The following HNRNPR variants were observed in gnomAD, a reference collection of about 807,000 sequenced individuals.
HNRNPR encodes the protein heterogeneous nuclear ribonucleoprotein R.
HNRNPR carries 4 observed loss-of-function variants against 70.3 expected under a neutral mutation model. The observed-to-expected ratio is 0.06, with a 90% CI of 0.03 to 0.13. HNRNPR has a LOEUF of 0.13. HNRNPR is among the 10% of genes least tolerant of loss of function. HNRNPR has a pLI of 1.00. For synonymous variants in HNRNPR, 241 were observed against 267.6 expected, an observed-to-expected ratio of 0.90 and a Z score of 0.97; for missense variants, 423 against 788.5, an observed-to-expected ratio of 0.54 and a Z score of 5.55.
At chr1:23,322,151 C>T (rs1645784937) in intron 6 of HNRNPR, among the ~76,000 whole-genome samples, 1 of 151,848 alleles carries the variant, frequency 6.6e-6, no homozygotes, top group African/African-American at 2.4e-5. Context: ...AATTGTCTAC[C>T]AAACACAATA....
chr1:23,328,329 G>A (rs1392730978), intron 5 of HNRNPR, among the ~76,000 whole-genome samples: 2 of 152,214 alleles, frequency 1.3e-5, no homozygotes, highest in East Asian at 1.9e-4. Context: ...TGGAGAAATA[G>A]GCTGACTGGT....
chr1:23,314,343 T>A (rs1383289419), intron 8 of HNRNPR, among the ~76,000 whole-genome samples: 2 of 152,142 alleles, frequency 1.3e-5, no homozygotes, highest in Non-Finnish European at 2.9e-5. Context: ...ACTTAAAATC[T>A]AGGAGCCATA....
In HNRNPR at chr1:23,325,225, T is replaced by C. The variant is rs569445256; in HGVS notation, c.499-1493A>G. Among the ~76,000 whole-genome samples the C allele has an allele frequency of 3.0e-3, 456 of 152,336 alleles. 2 individuals carry two copies. Among genetic ancestry groups the C allele is most frequent in the Non-Finnish European group, 4.7e-3 (319 of 68,030 alleles). ...AAATTAGTATTTGCATGACAAATTT[T>C]CTAGTGAAACTCATCTACATCACCA... On this transcript the variant is annotated intron_variant, in intron 5 of 10. Transcript: ENST00000302271.
At chr1:23,329,444 C>G (rs1262882380) in intron 5 of HNRNPR, among the ~76,000 whole-genome samples, 1 of 152,206 alleles carries the variant, frequency 6.6e-6, no homozygotes, top group African/African-American at 2.4e-5. Flanking sequence ...TGAGCCCTTT[C>G]AGAGCAAGCA....
chr1:23,323,323 A>C (rs138419742), intron 6 of HNRNPR, among the ~76,000 whole-genome samples: 285 of 152,338 alleles, frequency 1.9e-3, no homozygotes, highest in African/African-American at 6.6e-3. Context: ...CTAATAGATA[A>C]CTTCTTAAAT....
intron 6 of HNRNPR, 45 bp from the exon 7 acceptor site, chr1:23,321,708 C>T: frequency 6.4e-7 from 1 of 1,560,740 alleles, no homozygotes; most frequent in East Asian, 2.3e-5. Flanking sequence ...ACCCCAAACT[C>T]AGGACAATTG....
At chr1:23,312,811 C>T (rs1456124790) in intron 9 of HNRNPR, among the ~76,000 whole-genome samples, 1 of 152,160 alleles carries the variant, frequency 6.6e-6, no homozygotes, top group Non-Finnish European at 1.5e-5. Context: ...CATTCTGGAT[C>T]TATCTTCCTA....
chr1:23,336,994 T>A (rs1326387105), intron 4 of HNRNPR, among the ~76,000 whole-genome samples: 1 of 152,234 alleles, frequency 6.6e-6, no homozygotes, highest in Non-Finnish European at 1.5e-5. Flanking sequence ...ATTCATTTAC[T>A]CCTTACAATA....
At chr1:23,316,982 C>T (rs149635770) in intron 8 of HNRNPR, among the ~76,000 whole-genome samples, 1 of 152,210 alleles carries the variant, frequency 6.6e-6, no homozygotes, top group Non-Finnish European at 1.5e-5. Flanking sequence ...CAAGTATAAA[C>T]CAGAGTTCTC....
rs1162575887 is a variant in HNRNPR at position 23,318,074 on chromosome 1, T to C, written c.1017+409A>G. On this transcript the variant is annotated intron_variant, in intron 8 of 10. Coordinates refer to ENST00000302271, the MANE Select transcript of HNRNPR (RefSeq NM_005826.5). The surrounding 1 kb of genome is among the most constrained non-coding windows in gnomAD (Gnocchi z 4.2). The stretch of plus-strand genomic sequence containing the variant: ...ATTAGCTATAAATCTAAATAAAACA[T>C]AATTCATGGCCAAGTAATAAAGTCA... Among the ~76,000 whole-genome samples the C allele has an allele frequency of 6.6e-6, 1 of 150,714 alleles. No homozygotes were observed. Among genetic ancestry groups the C allele is most frequent in the Non-Finnish European group, 1.5e-5 (1 of 67,684 alleles).
chr1:23,344,048 CAGCCGCGCGGGCGGACTAGACCGA>C (rs1646816659), intron 1 of HNRNPR, among the ~76,000 whole-genome samples, 139 bp downstream of exon 1: 1 of 152,098 alleles, frequency 6.6e-6, no homozygotes, highest in African/African-American at 2.4e-5. Context: ...GCTAGGCCCA[CAGCCGCGCGGGCGGACTAGACCGA>C]AGCCGCCCCC....
In HNRNPR at chr1:23,309,686, T is replaced by G. The variant is rs1377780912; in HGVS notation, c.*768A>C. 6.6e-6 allele frequency: 1 copy of G among 152,640 alleles called. No individual in the cohort carries two copies. The highest frequency in any genetic ancestry group is 2.4e-5 in the African/African-American group (1 of 41,460). The allele number at this position is 152,640 out of a possible 1,614,324, so 9.5% of individuals were successfully genotyped here. On this transcript the variant is annotated 3_prime_UTR_variant, in exon 11 of 11. Coordinates refer to ENST00000302271, the MANE Select transcript of HNRNPR (RefSeq NM_005826.5). The stretch of plus-strand genomic sequence containing the variant: ...ATAAACAAGAAATTTTGCATGAATT[T>G]GATCACTCACATAGGCAGTTATACT...
chr1:23,343,296 C>T (rs774990979), intron 1 of HNRNPR, among the ~76,000 whole-genome samples: 21 of 152,188 alleles, frequency 1.4e-4, no homozygotes, highest in Non-Finnish European at 8.8e-5. Context: ...TGTGCAAATT[C>T]TTCATATTAA....
chr1:23,319,084 A>G (rs909349869), intron 7 of HNRNPR, among the ~76,000 whole-genome samples: 6 of 152,212 alleles, frequency 3.9e-5, no homozygotes, highest in African/African-American at 9.7e-5. Context: ...CTTGAAGCTA[A>G]CTTAAAAGTT....
intron 1 of HNRNPR, among the ~76,000 whole-genome samples, chr1:23,343,839 G>T (rs1286262523): frequency 1.3e-5 from 2 of 152,126 alleles, no homozygotes; most frequent in African/African-American, 4.8e-5. Flanking sequence ...CGGCGGGAGC[G>T]AAGCGGCTCC....
At chr1:23,341,144 A>G (rs1646690405) in intron 1 of HNRNPR, 127 bp from the exon 2 acceptor site, 2 of 664,556 alleles carry the variant, frequency 3.0e-6, no homozygotes, top group Non-Finnish European at 4.9e-6. Context: ...ATAATAATTT[A>G]TTCCTCCTGT....
At chr1:23,325,346 G>A (rs761270402) in intron 5 of HNRNPR, among the ~76,000 whole-genome samples, 6 of 152,114 alleles carry the variant, frequency 3.9e-5, no homozygotes, top group Non-Finnish European at 7.4e-5. Context: ...TGGACATTAA[G>A]TTTCTGAAGT....
At chr1:23,335,393 G>C (rs1035722311) in intron 4 of HNRNPR, among the ~76,000 whole-genome samples, 12 of 152,234 alleles carry the variant, frequency 7.9e-5, no homozygotes, top group African/African-American at 2.9e-4. Flanking sequence ...CTGGGCCACA[G>C]ACCCGTACTG....
Position 23,327,858 on chromosome 1 carries a change from A to C in HNRNPR, c.499-4126T>G, listed in dbSNP as rs916024826. ...TGAGCTGAGATCTAAGAGAAAATTAAGTAAAAACCTGAGGAAGGTGAGGGG... is the reference window on the plus strand; with the variant it reads ...TGAGCTGAGATCTAAGAGAAAATTACGTAAAAACCTGAGGAAGGTGAGGGG... On this transcript the variant is annotated intron_variant, in intron 5 of 10. Coordinates refer to ENST00000302271, the MANE Select transcript of HNRNPR (RefSeq NM_005826.5). 5.9e-5 allele frequency among the ~76,000 whole-genome samples: 9 copies of C among 152,058 alleles called. No individual in the cohort carries two copies. The South Asian group carries it at 1.9e-3, about 32-fold the overall frequency.
Sources: allele counts gnomAD v4.1 joint callset (sites outside exome capture counted in the v4.1 genomes callset), GRCh38; gene constraint gnomAD v4.1.1; non-coding constraint Gnocchi (gnomAD v3.1); transcripts MANE v1.5; gene names NCBI Gene and HGNC (gene_info 2026-07-23, HGNC 2026-07-21).